The following PHF3 variants were observed in gnomAD, a reference collection of about 807,000 sequenced individuals.
The protein encoded by PHF3 is PHD finger protein 3.
Under a neutral mutation model 178.4 loss-of-function variants are expected in PHF3, and 41 were observed. The ratio of observed to expected loss-of-function variants is 0.23; its 90% CI spans 0.18 to 0.30. The LOEUF (loss-of-function observed/expected upper bound fraction) is 0.30. Ranked by LOEUF, PHF3 falls within the 10% of genes least tolerant of loss-of-function variation. PHF3 has a pLI of 1.00. For synonymous variants in PHF3, 842 were observed against 800.5 expected (o/e 1.05, Z -0.88); for missense variants, 2,346 against 2,398.1 (o/e 0.98, Z 0.45).
At chr6:63,639,120 A>T (rs1305915131) in intron 1 of PHF3, among the ~76,000 whole-genome samples, 2 of 152,156 alleles carry the variant, frequency 1.3e-5, no homozygotes, top group Admixed American at 6.5e-5. Flanking sequence ...CTTAATTTAG[A>T]CCATTTTTAA....
Position 63,711,703 on chromosome 6 carries a change from C to T in PHF3, c.4115C>T (p.Pro1372Leu), listed in dbSNP as rs1445395820. 1.2e-6 allele frequency: 2 copies of T among 1,613,798 alleles called. No individual in the cohort carries two copies. The highest frequency in any genetic ancestry group is 1.7e-6 in the Non-Finnish European group (2 of 1,179,892). Residue 1372 changes from proline to leucine, a missense_variant, in exon 16 of 16, where the codon CCA (proline) becomes CTA (leucine). This residue lies in a region of PHF3 where 839 missense variants were observed against 806.9 expected (regional missense o/e 1.04). Coordinates refer to ENST00000262043, the MANE Select transcript of PHF3 (RefSeq NM_001370348.2). ...ATAGCTGAGACTCCTGAAAGTGCAC[C>T]ACCAATAGCATTGCCACCTGATAAA... is the stretch of plus-strand genomic sequence containing the variant. ...SHIAETPESA[P>L]PIALPPDKKS...
chr6:63,713,529 A>G lies in PHF3; in HGVS notation c.5941A>G (p.Thr1981Ala), dbSNP rs1768065738. The G allele has an allele frequency of 3.1e-6, 5 of 1,613,674 alleles. No individual in the cohort carries two copies. The highest frequency in any genetic ancestry group is 1.6e-4 in the Middle Eastern group (1 of 6,080). ...ACGGTTATCACATGGTGATCGAGGA[A>G]CAGATGGAAAAGCAAGCAGAGATAG... ...RARLSHGDRG[T>A]DGKASRDSRN... is the part of the protein sequence containing the mutation. Residue 1981 changes from threonine (T) to alanine (A), a missense_variant, in exon 16 of 16, where the codon ACA becomes GCA. Physicochemically the swap from Thr to Ala is moderately conservative, Grantham distance 58. Transcript: ENST00000262043.
chr6:63,720,660 A>T lies in PHF3; in HGVS notation c.*6952A>T, dbSNP rs770840726. 1.3e-6 allele frequency: 2 copies of T among 1,539,980 alleles called. No individual in the cohort carries two copies. Among genetic ancestry groups the T allele is most frequent in the Non-Finnish European group, 1.8e-6 (2 of 1,141,938 alleles). ...GTATCCTTCTAATTTAATTAGTTCA[A>T]TGTTTTTTGGTTCCTGAAAAAATAC... is the stretch of plus-strand genomic sequence containing the variant. On this transcript the variant is annotated 3_prime_UTR_variant, in exon 16 of 16. Transcript: ENST00000262043.
rs1007729275 is a variant in PHF3 at position 63,716,771 on chromosome 6, C to T, written c.*3063C>T. Among the ~76,000 whole-genome samples, 2 of 151,524 alleles carry T rather than the reference C, an allele frequency of 1.3e-5. No homozygotes were observed. Among genetic ancestry groups the T allele is most frequent in the African/African-American group, 4.9e-5 (2 of 41,190 alleles). On this transcript the variant is annotated 3_prime_UTR_variant, in exon 16 of 16. Coordinates refer to ENST00000262043, the MANE Select transcript of PHF3 (RefSeq NM_001370348.2). ...ATATTTGAAGCCAGCAGTGTGGGACCCAGTCTTTCTCTAGTATCTCTGACC... is the reference window on the plus strand; with the variant it reads ...ATATTTGAAGCCAGCAGTGTGGGACTCAGTCTTTCTCTAGTATCTCTGACC...
intron 2 of PHF3, among the ~76,000 whole-genome samples, chr6:63,662,504 G>A (rs1765511392): frequency 6.6e-6 from 1 of 152,058 alleles, no homozygotes; most frequent in Non-Finnish European, 1.5e-5. Context: ...TTGCTGCCTG[G>A]ATTCTTTTGG....
rs1768080478 is a variant in PHF3 at position 63,713,727 on chromosome 6, G to T, written c.*19G>T. 2.0e-6 allele frequency: 3 copies of T among 1,517,760 alleles called. No homozygotes were observed. Among genetic ancestry groups the T allele is most frequent in the East Asian group, 2.3e-5 (1 of 43,302 alleles). The allele number at this position is 1,517,760 out of a possible 1,614,324, so 94.0% of individuals were successfully genotyped here. A position where few individuals can be genotyped will look rare whatever the true frequency, so the allele number is the denominator to read the frequency against. On this transcript the variant is annotated 3_prime_UTR_variant, in exon 16 of 16. Coordinates refer to ENST00000262043, the MANE Select transcript of PHF3 (RefSeq NM_001370348.2). ...AAGGTAAAATTTGCAGGCTGCTTCA[G>T]GATTACATTTAAATAACTGTTAAAA...
rs564399043 is a variant in PHF3, at chr6:63,642,242, C to G, written c.-25-4285C>G. Among the ~76,000 whole-genome samples, 5 of 152,348 alleles carry G rather than the reference C, an allele frequency of 3.3e-5. No individual in the cohort carries two copies. The South Asian group carries it at 1.0e-3, about 32-fold the overall frequency. ...TGCTGTTCCCTTTGCCTAGAATATC[C>G]TCTGGACCATTAGGATCCAGCTTAC... On this transcript the variant is annotated intron_variant, in intron 1 of 15. Coordinates refer to ENST00000262043, the MANE Select transcript of PHF3 (RefSeq NM_001370348.2).
intron 2 of PHF3, among the ~76,000 whole-genome samples, chr6:63,677,425 GA>G (rs891867453): frequency 3.3e-5 from 5 of 151,548 alleles, no homozygotes; most frequent in Admixed American, 3.3e-4. Flanking sequence ...GAAGTGAAGT[GA>G]AAAAAAAGGA....
At chr6:63,680,199 G>A (rs201838701) in intron 3 of PHF3, 38 bp downstream of exon 3, 3 of 1,514,496 alleles carry the variant, frequency 2.0e-6, no homozygotes, top group Admixed American at 2.1e-5. Context: ...AAAATTAGAG[G>A]TATAGGGACA....
rs1767316288 is a variant in PHF3, at chr6:63,698,215, C to T, written c.2681-8C>T. ...AATGTAATGAGTTTCGATATTTATT[C>T]AAATTAGGTACTCATGAGAAGCAAG... On this transcript the variant is annotated splice_polypyrimidine_tract_variant and splice_region_variant and intron_variant, in intron 6 of 15. Transcript: ENST00000262043. The T allele has an allele frequency of 6.3e-7, 1 of 1,588,738 alleles. No homozygotes were observed. Among genetic ancestry groups the T allele is most frequent in the African/African-American group, 1.3e-5 (1 of 74,254 alleles).
Position 63,684,736 on chromosome 6 carries a change from C to G in PHF3, c.1014C>G (p.Asp338Glu), listed in dbSNP as rs745547553. The G allele has an allele frequency of 6.2e-7, 1 of 1,613,638 alleles. No individual in the cohort carries two copies. Among genetic ancestry groups the G allele is most frequent in the South Asian group, 1.1e-5 (1 of 91,074 alleles). ...ATGAAGATGACCATATTCTTGAGGA[C>G]GCTGGATCTTCTGATATTTCTAGTG... Reference protein sequence around the residue: ...LSHEDDHILEDAGSSDISSDA... With the variant: ...LSHEDDHILEEAGSSDISSDA... Residue 338 changes from aspartate (D) to glutamate (E), a missense_variant, in exon 4 of 16, where the codon GAC becomes GAG. Asp to Glu is a conservative substitution (Grantham distance 45). Coordinates refer to ENST00000262043, the MANE Select transcript of PHF3 (RefSeq NM_001370348.2).
rs1764931155 is a variant in PHF3, at chr6:63,649,451, A to G, written c.244+2656A>G. ...TGTATTCCTTAGACCAATGAAAGCT[A>G]TAGACTGTGGCTATTTTGTAACCTT... On this transcript the variant is annotated intron_variant, in intron 2 of 15. Coordinates refer to ENST00000262043, the MANE Select transcript of PHF3 (RefSeq NM_001370348.2). 3.3e-5 allele frequency among the ~76,000 whole-genome samples: 5 copies of G among 152,302 alleles called. No individual in the cohort carries two copies. In the South Asian group the frequency reaches 1.0e-3, roughly 32 times the overall value.
chr6:63,703,063 A>T (rs1365053951), intron 10 of PHF3, among the ~76,000 whole-genome samples: 1 of 152,138 alleles, frequency 6.6e-6, no homozygotes, highest in Non-Finnish European at 1.5e-5. Flanking sequence ...TTTTTAGTAG[A>T]GACAGAGTTT....
intron 1 of PHF3, among the ~76,000 whole-genome samples, chr6:63,642,184 C>G (rs761411065): frequency 2.0e-5 from 3 of 152,174 alleles, no homozygotes; most frequent in South Asian, 2.1e-4. Context: ...AATGGTCCAT[C>G]AGGACCAAAC....
rs1412018692 is a variant in PHF3, at chr6:63,635,824, C to T, written c.-352C>T. On this transcript the variant is annotated 5_prime_UTR_variant, in exon 1 of 16. Transcript: ENST00000262043. ...AACAGTGGGGTCACGTGACACGGCC[C>T]CTCTCCAGCTCCCGCGCCGCCGCCG... is the stretch of plus-strand genomic sequence containing the variant. 2 of 395,262 alleles carry T rather than the reference C, an allele frequency of 5.1e-6. No individual in the cohort carries two copies. The highest frequency in any genetic ancestry group is 4.1e-5 in the African/African-American group (2 of 48,460). The allele number at this position is 395,262 out of a possible 1,614,324, so 24.5% of individuals were successfully genotyped here.
intron 1 of PHF3, 128 bp downstream of exon 1, chr6:63,636,278 C>G (rs1319792542): frequency 1.2e-5 from 3 of 241,202 alleles, no homozygotes; most frequent in South Asian, 1.8e-4. Flanking sequence ...GCTTTTCTCC[C>G]GCGCAGCCGA....
chr6:63,698,075 G>A, intron 6 of PHF3, 148 bp from the exon 7 acceptor site: 2 of 581,416 alleles, frequency 3.4e-6, no homozygotes, highest in South Asian at 3.2e-5. Flanking sequence ...TAGGATTTCA[G>A]TGTCAGGAAT....
At position 63,684,545 on chromosome 6, in the gene PHF3, G is replaced by C; in HGVS notation, c.823G>C (p.Glu275Gln). 6.2e-7 allele frequency: 1 copy of C among 1,613,610 alleles called. No individual in the cohort carries two copies. Among genetic ancestry groups the C allele is most frequent in the African/African-American group, 1.3e-5 (1 of 74,994 alleles). Residue 275 changes from glutamate to glutamine, a missense_variant, in exon 4 of 16, where the codon GAA (glutamate) becomes CAA (glutamine). By Grantham distance (29) the Glu-to-Gln change is conservative (BLOSUM62 2). Coordinates refer to ENST00000262043, the MANE Select transcript of PHF3 (RefSeq NM_001370348.2). ...AGAAAAGAAAAATGAAGCTTTGATG[G>C]AATGTAAAGCCAAGCCTGTTGGTAG... ...IGEKKNEALM[E>Q]CKAKPVGSPL...
chr6:63,684,476 GAATTA>G lies in PHF3; in HGVS notation c.759_763del (p.Asn254PhefsTer16). 1 of 1,613,688 alleles carries G rather than the reference GAATTA, an allele frequency of 6.2e-7. No homozygotes were observed. On this transcript the variant is annotated frameshift_variant, in exon 4 of 16. Transcript: ENST00000262043. LOFTEE classifies it high-confidence loss of function. Reference sequence around the variant, plus strand: ...GGGAGAAATAGATGTGCCATCTCATGAATTAAATTGTTCACTTCTTTCAGAGACTT... The same window carrying G: ...GGGAGAAATAGATGTGCCATCTCATGAATTGTTCACTTCTTTCAGAGACTT...
Sources: gnomAD v4.1 joint callset for allele counts (sites outside exome capture counted in the v4.1 genomes callset) on GRCh38, gnomAD v4.1.1 for gene constraint, gnomAD v4.1.1 regional missense constraint, MANE v1.5 for transcripts, NCBI Gene and HGNC (gene_info 2026-07-23, HGNC 2026-07-21) for gene names.